The following RAB11FIP3 variants were observed in gnomAD, a reference collection of about 807,000 sequenced individuals.
The protein encoded by RAB11FIP3 is RAB11 family interacting protein 3.
In RAB11FIP3, 17 loss-of-function variants were observed where a neutral mutation model predicts 77.8. The observed-to-expected ratio is 0.22, with a 90% CI of 0.15 to 0.33. The LOEUF is 0.33. RAB11FIP3 is among the 10% of genes least tolerant of loss of function. The pLI is 1.00. For synonymous variants in RAB11FIP3, 437 were observed against 448.2 expected (o/e 0.98, Z 0.31); for missense variants, 1,005 against 1,011.2 (o/e 0.99, Z 0.08).
In RAB11FIP3 at chr16:499,839, C is replaced by T. The variant is rs972853348; in HGVS notation, c.1301+2980C>T. Among the ~76,000 whole-genome samples, 26 of 148,974 alleles carry T rather than the reference C, an allele frequency of 1.7e-4. 1 individual carries two copies. The highest frequency in any genetic ancestry group is 1.6e-4 in the Non-Finnish European group (11 of 67,418). ...AAAAGCTCCATCTGCAGTTATCTGT[C>T]GTTAGAGTTTACAAAACAGAGACCT... On this transcript the variant is annotated intron_variant, in intron 6 of 13. Transcript: ENST00000262305.
At chr16:488,041 G>A (rs1353255651) in intron 4 of RAB11FIP3, among the ~76,000 whole-genome samples, 1 of 152,204 alleles carries the variant, frequency 6.6e-6, no homozygotes, top group Admixed American at 6.5e-5. Flanking sequence ...GAAGAGGCTG[G>A]AGGTTTTGAA....
chr16:521,143 A>G lies in RAB11FIP3; in HGVS notation c.*304A>G. The G allele has an allele frequency of 2.1e-6, 1 of 477,798 alleles. No individual in the cohort carries two copies. The highest frequency in any genetic ancestry group is 3.8e-6 in the Non-Finnish European group (1 of 261,072). 29.6% of individuals were successfully genotyped at this position (477,798 alleles called of 1,614,324 possible). ...CCCAGAGCTTCCCAGCCCTGAGTCA[A>G]GCTGGCCATGAACGCGTACACTTCA... is the stretch of plus-strand genomic sequence containing the variant. On this transcript the variant is annotated 3_prime_UTR_variant, in exon 14 of 14. Coordinates refer to ENST00000262305, the MANE Select transcript of RAB11FIP3 (RefSeq NM_014700.4).
chr16:506,589 AG>A lies in RAB11FIP3; in HGVS notation c.1499+965del, dbSNP rs568566131. Among the ~76,000 whole-genome samples the A allele has an allele frequency of 8.3e-3, 1,271 of 152,344 alleles. 10 individuals are homozygous for A. The highest frequency in any genetic ancestry group is 0.044 in the Middle Eastern group (13 of 294). ...GCCTGCACACACGTGTGTTGGCAGC[AG>A]GGCATTTGTGGTCAGCATCCCCAAA... On this transcript the variant is annotated intron_variant, in intron 8 of 13. Coordinates refer to ENST00000262305, the MANE Select transcript of RAB11FIP3 (RefSeq NM_014700.4). The surrounding 1 kb of genome is among the most constrained non-coding windows in gnomAD (Gnocchi z 4.5).
In RAB11FIP3 at chr16:505,567, C is replaced by T. The variant is rs138453938; in HGVS notation, c.1439C>T (p.Thr480Met). Residue 480 changes from threonine (T) to methionine (M), a missense_variant, in exon 8 of 14, where the codon ACG becomes ATG. Coordinates refer to ENST00000262305, the MANE Select transcript of RAB11FIP3 (RefSeq NM_014700.4). This position sits in a 1 kb window ranked among gnomAD's most constrained non-coding sequence, Gnocchi z 4.0. ...CGTGTGCTGGAGCTGGAAAAGGACACGGCAGCCACCGGTGAGCAACACAGC... is the reference window on the plus strand; with the variant it reads ...CGTGTGCTGGAGCTGGAAAAGGACATGGCAGCCACCGGTGAGCAACACAGC... Reference protein sequence around the residue: ...ERRVLELEKDTAATGEQHSRL... With the variant: ...ERRVLELEKDMAATGEQHSRL... 1.3e-5 allele frequency: 21 copies of T among 1,607,172 alleles called. No homozygotes were observed. Among genetic ancestry groups the T allele is most frequent in the Admixed American group, 1.7e-5 (1 of 59,932 alleles).
intron 1 of RAB11FIP3, among the ~76,000 whole-genome samples, chr16:442,856 T>C (rs2055250218): frequency 6.6e-6 from 1 of 152,178 alleles, no homozygotes; most frequent in Admixed American, 6.6e-5. Flanking sequence ...TTTCTTCCTC[T>C]CTTCTACCAC....
chr16:458,709 T>G (rs2055552194), intron 1 of RAB11FIP3, among the ~76,000 whole-genome samples: 1 of 150,318 alleles, frequency 6.7e-6, no homozygotes, highest in Non-Finnish European at 1.5e-5. Context: ...TGCCTCTCCC[T>G]GTCCCTGAGC....
rs1456829235 is a variant in RAB11FIP3, at chr16:426,886, G to T, written c.714+166G>T. Among the ~76,000 whole-genome samples the T allele has an allele frequency of 6.6e-6, 1 of 152,188 alleles. No homozygotes were observed. Among genetic ancestry groups the T allele is most frequent in the Non-Finnish European group, 1.5e-5 (1 of 68,042 alleles). ...TCACCACTTCGGCCCTGGATTTCTG[G>T]TTGAATTGCGCTGGAGTCCCTCTTC... On this transcript the variant is annotated intron_variant, in intron 1 of 13. Transcript: ENST00000262305. This position sits in a 1 kb window ranked among gnomAD's most constrained non-coding sequence, Gnocchi z 5.0.
intron 2 of RAB11FIP3, among the ~76,000 whole-genome samples, chr16:465,905 A>G (rs1002710060): frequency 3.9e-5 from 6 of 152,208 alleles, no homozygotes; most frequent in Admixed American, 2.0e-4. Context: ...GCGCCCGGCC[A>G]GCAGTGGTTC....
chr16:450,118 C>G lies in RAB11FIP3; in HGVS notation c.715-11286C>G, dbSNP rs144197601. ...ACAACATGGAAGCCAGGTCACTACC[C>G]AGGCCACCTACAAGGAAGTTCACCA... On this transcript the variant is annotated intron_variant, in intron 1 of 13. Coordinates refer to ENST00000262305, the MANE Select transcript of RAB11FIP3 (RefSeq NM_014700.4). Among the ~76,000 whole-genome samples the G allele has an allele frequency of 1.2e-3, 184 of 152,240 alleles. 1 individual carries two copies. The East Asian group carries it at 0.03, about 24-fold the overall frequency.
intron 3 of RAB11FIP3, among the ~76,000 whole-genome samples, chr16:481,809 G>A (rs1483234326): frequency 2.1e-5 from 1 of 48,596 alleles, no homozygotes; most frequent in Non-Finnish European, 4.8e-5. Context: ...TCAGTCTCTT[G>A]AGTAGCTGGG....
chr16:477,962 C>T (rs763842616), intron 3 of RAB11FIP3, among the ~76,000 whole-genome samples: 60 of 152,088 alleles, frequency 3.9e-4, no homozygotes, highest in Non-Finnish European at 1.9e-4. Context: ...CCTTGTGAGA[C>T]GAGAATTTAT....
At chr16:518,342 A>T (rs1055139578) in intron 9 of RAB11FIP3, among the ~76,000 whole-genome samples, 1 of 152,180 alleles carries the variant, frequency 6.6e-6, no homozygotes, top group African/African-American at 2.4e-5. Context: ...TGGCCTCCCA[A>T]AGTGTTGGGA....
At chr16:512,298 T>C (rs2032214775) in intron 9 of RAB11FIP3, among the ~76,000 whole-genome samples, 1 of 152,052 alleles carries the variant, frequency 6.6e-6, no homozygotes, top group South Asian at 2.1e-4. Context: ...TGGAGTGCAG[T>C]GGCGCGATCT....
chr16:444,111 G>A (rs2055272893), intron 1 of RAB11FIP3, among the ~76,000 whole-genome samples: 1 of 152,166 alleles, frequency 6.6e-6, no homozygotes, highest in South Asian at 2.1e-4. Context: ...CCTGTGCATG[G>A]AGGTTGGCCG....
rs1259268611 is a variant in RAB11FIP3, at chr16:509,812, C to A, written c.1500-848C>A. On this transcript the variant is annotated intron_variant, in intron 8 of 13. Transcript: ENST00000262305. ...GCCCGGATGTGCCCAGCTGCCAGAG[C>A]CAGACTCGTCCTGGCTCCCATGTGG... Among the ~76,000 whole-genome samples, 3 of 152,146 alleles carry A rather than the reference C, an allele frequency of 2.0e-5. No homozygotes were observed. The East Asian group carries it at 5.8e-4, about 29-fold the overall frequency.
chr16:512,638 C>G (rs6600226), intron 9 of RAB11FIP3, among the ~76,000 whole-genome samples: 36,009 of 149,532 alleles, frequency 0.24, 7,383 homozygotes, highest in African/African-American at 0.56. Flanking sequence ...CTGTCTCCTG[C>G]GTTCAAGCAA....
At chr16:491,131 T>C in intron 5 of RAB11FIP3, 1 of 1,301,724 alleles carries the variant, frequency 7.7e-7, no homozygotes, top group Admixed American at 2.3e-5. Flanking sequence ...TCTGTCTCTC[T>C]AGCACTGACC....
chr16:487,700 G>C (rs1367602949), intron 4 of RAB11FIP3, among the ~76,000 whole-genome samples: 1 of 152,094 alleles, frequency 6.6e-6, no homozygotes, highest in Non-Finnish European at 1.5e-5. Flanking sequence ...GGTGGGAGTG[G>C]GGACCGCTAG....
At chr16:460,941 A>G (rs1203339898) in intron 1 of RAB11FIP3, among the ~76,000 whole-genome samples, 1 of 152,158 alleles carries the variant, frequency 6.6e-6, no homozygotes, top group Admixed American at 6.6e-5. Context: ...GAGGAGTCAG[A>G]GGCTGTCACT....
Sources: allele counts gnomAD v4.1 joint callset (sites outside exome capture counted in the v4.1 genomes callset), GRCh38; gene constraint gnomAD v4.1.1; non-coding constraint Gnocchi (gnomAD v3.1); transcripts MANE v1.5; gene names NCBI Gene and HGNC (gene_info 2026-07-23, HGNC 2026-07-21).